The following CPNE4 variants were observed in gnomAD, a reference collection of about 807,000 sequenced individuals.
CPNE4 encodes copine 4.
A neutral mutation model predicts 67.9 loss-of-function variants in CPNE4; 25 were observed. The observed-to-expected ratio is 0.37, with a 90% CI of 0.27 to 0.51. The LOEUF is 0.51. CPNE4 is among the 20% of genes least tolerant of loss of function. The pLI is 0.93. For missense variants in CPNE4, 464 were observed against 690.8 expected, an observed-to-expected ratio of 0.67 and a Z score of 3.68; for synonymous variants, 242 against 244.9, an observed-to-expected ratio of 0.99 and a Z score of 0.11.
Position 131,548,956 on chromosome 3 carries a change from A to G in CPNE4, c.1302+991T>C, listed in dbSNP as rs1936023095. ...AAAGGGCAAAGCAGAGTCAAGGGGG[A>G]GATATTAACTTAAAGCAGGAGATAT... On this transcript the variant is annotated intron_variant, in intron 14 of 15. Coordinates refer to ENST00000429747, the MANE Select transcript of CPNE4 (RefSeq NM_130808.3). 1.3e-5 allele frequency among the ~76,000 whole-genome samples: 2 copies of G among 152,130 alleles called. 1 individual carries two copies. The highest frequency in any genetic ancestry group is 4.1e-4 in the South Asian group (2 of 4,828).
intron 2 of CPNE4, among the ~76,000 whole-genome samples, chr3:131,896,768 A>G (rs980949690): frequency 6.6e-6 from 1 of 152,092 alleles, no homozygotes; most frequent in African/African-American, 2.4e-5. Flanking sequence ...TTTAAGAGGC[A>G]TGGATGCCTT....
At chr3:131,612,574 G>C (rs1287872599) in intron 7 of CPNE4, among the ~76,000 whole-genome samples, 1 of 152,018 alleles carries the variant, frequency 6.6e-6, no homozygotes, top group Admixed American at 6.6e-5. Context: ...CCTCTCTCTT[G>C]GCATCTCTCT....
At chr3:131,595,463 C>T (rs1453825692) in intron 7 of CPNE4, among the ~76,000 whole-genome samples, 1 of 152,148 alleles carries the variant, frequency 6.6e-6, no homozygotes, top group Non-Finnish European at 1.5e-5. Flanking sequence ...ATACTTGAGC[C>T]TGGGTAATTT....
chr3:131,682,228 A>G (rs889425268), intron 6 of CPNE4, among the ~76,000 whole-genome samples: 1 of 151,794 alleles, frequency 6.6e-6, no homozygotes, highest in African/African-American at 2.4e-5. Flanking sequence ...GAAGATTTAT[A>G]TATTTACTGT....
intron 1 of CPNE4, among the ~76,000 whole-genome samples, chr3:131,951,067 T>C (rs2071707475): frequency 6.6e-6 from 1 of 152,182 alleles, no homozygotes; most frequent in Admixed American, 6.5e-5. Context: ...GTTTCCTCAG[T>C]TTTATGAAAA....
chr3:131,952,443 C>A (rs1323501758), intron 1 of CPNE4, among the ~76,000 whole-genome samples: 3 of 150,064 alleles, frequency 2.0e-5, no homozygotes, highest in African/African-American at 7.3e-5. Context: ...GCGTCTCCGC[C>A]CAGCAGCCAC....
chr3:131,860,951 A>G (rs58480865), intron 2 of CPNE4, among the ~76,000 whole-genome samples: 11,642 of 152,270 alleles, frequency 0.076, 580 homozygotes, highest in East Asian at 0.17. Context: ...TTTCCTAAGC[A>G]GTATCCCATG....
In CPNE4 at chr3:132,033,405, C is replaced by G. The variant is rs73871578; in HGVS notation, c.-2+1162G>C. Among the ~76,000 whole-genome samples the G allele has an allele frequency of 3.0e-3, 454 of 150,836 alleles. 4 individuals carry two copies. The highest frequency in any genetic ancestry group is 0.01 in the African/African-American group (423 of 41,104). ...AGAGTGTGTGAGTGTGTGTGTGTGT[C>G]TGTGTGTGTGTGTGTGTGTGTGTAG... On this transcript the variant is annotated intron_variant, in intron 1 of 15. Transcript: ENST00000429747.
At chr3:131,858,366 A>C (rs202198662) in intron 2 of CPNE4, among the ~76,000 whole-genome samples, 35,304 of 151,950 alleles carry the variant, frequency 0.23, 4,671 homozygotes, top group East Asian at 0.33. Flanking sequence ...ACTACTACTC[A>C]AAAGACAAGC....
intron 1 of CPNE4, among the ~76,000 whole-genome samples, chr3:131,931,427 AT>A (rs1314551997): frequency 1.3e-5 from 2 of 152,164 alleles, no homozygotes; most frequent in Non-Finnish European, 2.9e-5. Context: ...AGAGAACAAC[AT>A]TCATACCTAA....
At chr3:131,992,325 G>A (rs2073190112) in intron 1 of CPNE4, among the ~76,000 whole-genome samples, 1 of 137,032 alleles carries the variant, frequency 7.3e-6, no homozygotes, top group African/African-American at 2.5e-5. Context: ...TCTTCCATTA[G>A]TATGACCTGG....
At chr3:131,655,131 T>C (rs1366476777) in intron 7 of CPNE4, among the ~76,000 whole-genome samples, 1 of 152,246 alleles carries the variant, frequency 6.6e-6, no homozygotes, top group Non-Finnish European at 1.5e-5. Context: ...TTGTTGAAAC[T>C]GTCTCTTGAC....
chr3:131,921,054 T>C (rs928557881), intron 1 of CPNE4, among the ~76,000 whole-genome samples: 2 of 152,180 alleles, frequency 1.3e-5, no homozygotes, highest in Non-Finnish European at 2.9e-5. Flanking sequence ...GCTGACAACA[T>C]TGCTCCCACA....
chr3:131,607,362 C>T (rs1939569876), intron 7 of CPNE4, among the ~76,000 whole-genome samples: 1 of 152,044 alleles, frequency 6.6e-6, no homozygotes, highest in South Asian at 2.1e-4. Context: ...TTGGACAGAC[C>T]AATAGATTTA....
At chr3:131,564,413 C>A in intron 10 of CPNE4, 64 bp from the exon 11 acceptor site, 1 of 1,524,814 alleles carries the variant, frequency 6.6e-7, no homozygotes, top group East Asian at 2.3e-5. Flanking sequence ...GAATTGTGAT[C>A]AGTCATGAGA....
At chr3:131,717,844 T>G (rs1411890253) in intron 3 of CPNE4, among the ~76,000 whole-genome samples, 1 of 148,796 alleles carries the variant, frequency 6.7e-6, no homozygotes, top group African/African-American at 2.5e-5. Flanking sequence ...CTTCCTTCCT[T>G]CCTTCCTCGC....
chr3:131,760,383 A>T (rs955712582), intron 2 of CPNE4, among the ~76,000 whole-genome samples: 4 of 152,200 alleles, frequency 2.6e-5, no homozygotes, highest in African/African-American at 9.6e-5. Flanking sequence ...AACTGGCCTC[A>T]GTAGGCATAA....
At chr3:131,996,576 G>A (rs2073299799) in intron 1 of CPNE4, among the ~76,000 whole-genome samples, 1 of 151,908 alleles carries the variant, frequency 6.6e-6, no homozygotes, top group African/African-American at 2.4e-5. Context: ...GAGCAGCAGT[G>A]ACGGTACTTA....
At chr3:131,588,974 G>C (rs72999240) in intron 7 of CPNE4, among the ~76,000 whole-genome samples, 3,997 of 152,194 alleles carry the variant, frequency 0.026, 97 homozygotes, top group African/African-American at 0.071. Flanking sequence ...AATGTATATA[G>C]GCTAGCAGGT....
Sources: gnomAD v4.1 joint callset for allele counts (sites outside exome capture counted in the v4.1 genomes callset) on GRCh38, gnomAD v4.1.1 for gene constraint, MANE v1.5 for transcripts, NCBI Gene and HGNC (gene_info 2026-07-23, HGNC 2026-07-21) for gene names.